Variants in PPP2R2B observed in about 807,000 individuals in gnomAD.
The protein encoded by PPP2R2B is protein phosphatase 2 regulatory subunit Bbeta, also known as serine/threonine-protein phosphatase 2A 55 kDa regulatory subunit B beta isoform.
A neutral mutation model predicts 46.0 loss-of-function variants in PPP2R2B; 5 were observed. The ratio of observed to expected loss-of-function variants is 0.11; its 90% CI spans 0.06 to 0.23. The LOEUF (loss-of-function observed/expected upper bound fraction) is 0.23, where lower values mean the gene tolerates loss of function less well. PPP2R2B is among the 10% of genes least tolerant of loss of function. The pLI is 1.00. For missense variants in PPP2R2B, 367 were observed against 575.0 expected, an observed-to-expected ratio of 0.64 and a Z score of 3.70; for synonymous variants, 215 against 206.7, an observed-to-expected ratio of 1.04 and a Z score of -0.34.
intron 2 of PPP2R2B, among the ~76,000 whole-genome samples, chr5:146,716,377 A>T (rs1365173624): frequency 6.7e-6 from 1 of 148,720 alleles, no homozygotes; most frequent in Non-Finnish European, 1.5e-5. Flanking sequence ...TAAAGGCAGA[A>T]TTCCTATTTT....
intron 1 of PPP2R2B, among the ~76,000 whole-genome samples, chr5:146,990,343 A>C (rs950035773): frequency 9.9e-5 from 15 of 152,128 alleles, no homozygotes; most frequent in African/African-American, 3.6e-4. Context: ...CTATAAAGCT[A>C]TAGTAACCAA....
At chr5:146,908,548 G>A (rs1324360333) in intron 1 of PPP2R2B, among the ~76,000 whole-genome samples, 9 of 149,776 alleles carry the variant, frequency 6.0e-5, no homozygotes, top group African/African-American at 9.9e-5. Flanking sequence ...TTTGGCATAG[G>A]GGTGTGTTAA....
Position 146,835,365 on chromosome 5 carries a change from T to C in PPP2R2B, c.70+42637A>G, listed in dbSNP as rs1290838034. ...GTTAAATCAGAAATTTCAGGGAGTGTTTTGATTTCCCAATCCACCACTTTA... is the reference window on the plus strand; with the variant it reads ...GTTAAATCAGAAATTTCAGGGAGTGCTTTGATTTCCCAATCCACCACTTTA... On this transcript the variant is annotated intron_variant, in intron 2 of 9. Transcript: ENST00000394411. Among the ~76,000 whole-genome samples the C allele has an allele frequency of 2.6e-5, 4 of 152,172 alleles. No individual in the cohort carries two copies. In the East Asian group the frequency reaches 7.7e-4, roughly 29 times the overall value.
At chr5:146,738,207 T>C (rs1293295936) in intron 2 of PPP2R2B, among the ~76,000 whole-genome samples, 1 of 151,646 alleles carries the variant, frequency 6.6e-6, no homozygotes, top group Non-Finnish European at 1.5e-5. Context: ...CCATCGTGGC[T>C]AACACAGTGA....
chr5:146,646,061 T>C (rs536079669), intron 6 of PPP2R2B, among the ~76,000 whole-genome samples: 13 of 152,234 alleles, frequency 8.5e-5, no homozygotes, highest in Non-Finnish European at 1.5e-4. Context: ...AATGCATTCA[T>C]AGAACCATAT....
chr5:146,970,954 C>A (rs1752636349), intron 1 of PPP2R2B, among the ~76,000 whole-genome samples: 1 of 152,032 alleles, frequency 6.6e-6, no homozygotes, highest in South Asian at 2.1e-4. Flanking sequence ...TGTTGTATAT[C>A]CCTTCAGACT....
chr5:147,000,638 T>A (rs1754127403), intron 1 of PPP2R2B, among the ~76,000 whole-genome samples: 1 of 83,954 alleles, frequency 1.2e-5, no homozygotes, highest in African/African-American at 6.7e-5. Context: ...ACTATTAGGT[T>A]GGTGCAAAAG....
At chr5:146,691,987 C>T (rs887123854) in intron 4 of PPP2R2B, among the ~76,000 whole-genome samples, 1 of 152,202 alleles carries the variant, frequency 6.6e-6, no homozygotes, top group Non-Finnish European at 1.5e-5. Context: ...TATCTCCTCT[C>T]TCCTGCTTTA....
intron 2 of PPP2R2B, among the ~76,000 whole-genome samples, chr5:146,836,515 A>G (rs426865): frequency 0.32 from 49,198 of 152,074 alleles, 8,791 homozygotes; most frequent in East Asian, 0.65. Context: ...TCAGCTCCTA[A>G]AAGAGTGCTG....
upstream of PPP2R2B, among the ~76,000 whole-genome samples, chr5:146,881,279 C>A (rs1221377536): frequency 6.6e-6 from 1 of 152,180 alleles, no homozygotes; most frequent in African/African-American, 2.4e-5. Flanking sequence ...ACACGATAGT[C>A]CTGACTTCCG....
At chr5:146,766,803 T>C (rs917077394) in intron 2 of PPP2R2B, among the ~76,000 whole-genome samples, 2 of 151,990 alleles carry the variant, frequency 1.3e-5, no homozygotes, top group Admixed American at 6.6e-5. Context: ...TCTGTAATCC[T>C]AGCACTTTGG....
At chr5:146,599,799 G>A (rs1367916117) in intron 8 of PPP2R2B, among the ~76,000 whole-genome samples, 2 of 152,050 alleles carry the variant, frequency 1.3e-5, no homozygotes, top group South Asian at 4.1e-4. Flanking sequence ...TCCTCCCTGA[G>A]CCCCCCACCC....
chr5:146,760,029 G>C (rs1754064596), intron 2 of PPP2R2B, among the ~76,000 whole-genome samples: 1 of 152,070 alleles, frequency 6.6e-6, no homozygotes, highest in Admixed American at 6.6e-5. Context: ...TAACAAGAAA[G>C]GTGTGTTTGT....
chr5:147,014,393 C>T (rs1490773445), intron 1 of PPP2R2B, among the ~76,000 whole-genome samples: 1 of 149,508 alleles, frequency 6.7e-6, no homozygotes, highest in East Asian at 2.0e-4. Flanking sequence ...TGGGTATATA[C>T]CCAAATGACT....
intron 1 of PPP2R2B, among the ~76,000 whole-genome samples, chr5:146,969,589 C>T (rs1300051181): frequency 6.6e-6 from 1 of 152,198 alleles, no homozygotes; most frequent in Non-Finnish European, 1.5e-5. Flanking sequence ...GATGCCACAG[C>T]CATCCAGGAG....
At chr5:146,605,404 C>T (rs144703684) in intron 7 of PPP2R2B, among the ~76,000 whole-genome samples, 2 of 152,274 alleles carry the variant, frequency 1.3e-5, no homozygotes, top group East Asian at 1.9e-4. Flanking sequence ...TTTCCCTTTC[C>T]TAATCCCCAC....
intron 2 of PPP2R2B, among the ~76,000 whole-genome samples, chr5:146,744,357 T>G (rs1396720831): frequency 6.6e-6 from 1 of 152,204 alleles, no homozygotes; most frequent in Non-Finnish European, 1.5e-5. Flanking sequence ...TATTTGCTCT[T>G]GAGGAAATCA....
chr5:146,918,076 G>T lies in PPP2R2B; in HGVS notation c.79+137589C>A, dbSNP rs539350593. ...GCTTTCCTTGAAAACATATAATCTT[G>T]TCTACCTGCATTTTTGTATGTTTAG... On this transcript the variant is annotated intron_variant, in intron 1 of 8. Coordinates refer to the PPP2R2B transcript ENST00000336640. 3.4e-4 allele frequency among the ~76,000 whole-genome samples: 51 copies of T among 152,194 alleles called. No individual in the cohort carries two copies. The South Asian group carries it at 0.01, about 31-fold the overall frequency.
At chr5:147,044,506 CT>C (rs1169912985) in intron 1 of PPP2R2B, among the ~76,000 whole-genome samples, 1 of 152,154 alleles carries the variant, frequency 6.6e-6, no homozygotes, top group Non-Finnish European at 1.5e-5. Context: ...TTCTTTCTTT[CT>C]TTTTTGTTTA....
Sources: allele counts gnomAD v4.1 joint callset (sites outside exome capture counted in the v4.1 genomes callset), GRCh38; gene constraint gnomAD v4.1.1; transcripts MANE v1.5; gene names NCBI Gene and HGNC (gene_info 2026-07-23, HGNC 2026-07-21).